Variants in BRINP1 observed in about 807,000 individuals in gnomAD.
The protein encoded by BRINP1 is BMP/retinoic acid-inducible neural-specific protein 1.
Under a neutral mutation model 72.9 loss-of-function variants are expected in BRINP1, and 17 were observed. That is an observed-to-expected ratio of 0.23 (90% CI 0.16 to 0.35). The LOEUF is 0.35. Ranked by LOEUF, BRINP1 falls within the 10% of genes least tolerant of loss-of-function variation. The pLI, the probability that BRINP1 is intolerant of heterozygous loss-of-function variation, is 1.00. For missense variants in BRINP1, 850 were observed against 1,001.6 expected, an observed-to-expected ratio of 0.85 and a Z score of 2.04; for synonymous variants, 418 against 378.5, an observed-to-expected ratio of 1.10 and a Z score of -1.21.
chr9:119,323,381 T>G (rs1420600223), intron 1 of BRINP1, among the ~76,000 whole-genome samples: 1 of 152,210 alleles, frequency 6.6e-6, no homozygotes, highest in Non-Finnish European at 1.5e-5. Flanking sequence ...GTAAAAGGAA[T>G]GTGTCCCCTC....
chr9:119,291,994 C>T (rs779455343), intron 2 of BRINP1, among the ~76,000 whole-genome samples: 2 of 152,102 alleles, frequency 1.3e-5, no homozygotes, highest in Non-Finnish European at 2.9e-5. Context: ...AAAAAAAATA[C>T]TTTATTCCCG....
At chr9:119,285,337 G>A (rs1306929795) in intron 2 of BRINP1, among the ~76,000 whole-genome samples, 1 of 152,160 alleles carries the variant, frequency 6.6e-6, no homozygotes, top group Non-Finnish European at 1.5e-5. Context: ...ATGGCAGAGG[G>A]GAATCAAGAA....
intron 1 of BRINP1, among the ~76,000 whole-genome samples, chr9:119,366,085 G>C (rs1245284884): frequency 6.6e-6 from 1 of 152,036 alleles, no homozygotes; most frequent in Non-Finnish European, 1.5e-5. Context: ...TCACATGGGA[G>C]ATGCTTTATA....
chr9:119,295,138 G>C (rs1830861658), intron 2 of BRINP1, among the ~76,000 whole-genome samples: 1 of 151,602 alleles, frequency 6.6e-6, no homozygotes, highest in South Asian at 2.1e-4. Flanking sequence ...TGATAGGAAT[G>C]CATTATTTTT....
intron 2 of BRINP1, among the ~76,000 whole-genome samples, chr9:119,289,324 A>G (rs1320772638): frequency 6.6e-6 from 1 of 152,248 alleles, no homozygotes; most frequent in East Asian, 1.9e-4. Context: ...GAGGATTGGT[A>G]TTCTCTACCT....
intron 7 of BRINP1, among the ~76,000 whole-genome samples, chr9:119,183,834 T>C (rs192319836): frequency 5.9e-5 from 9 of 152,146 alleles, no homozygotes; most frequent in Admixed American, 2.6e-4. Context: ...AAACTGAGGC[T>C]CAGAGAAGGG....
At chr9:119,250,152 G>A (rs901286471) in intron 2 of BRINP1, among the ~76,000 whole-genome samples, 3 of 150,468 alleles carry the variant, frequency 2.0e-5, no homozygotes, top group Admixed American at 6.6e-5. Context: ...GAAGGAGGGA[G>A]GGAGGGTGAG....
chr9:119,309,850 T>C (rs1349984286), intron 2 of BRINP1, among the ~76,000 whole-genome samples: 1 of 152,150 alleles, frequency 6.6e-6, no homozygotes, highest in Admixed American at 6.5e-5. Flanking sequence ...TGTAATCTAT[T>C]GGGTTTTTTT....
intron 4 of BRINP1, among the ~76,000 whole-genome samples, 185 bp from the exon 5 acceptor site, chr9:119,238,945 A>C (rs1296830983): frequency 6.6e-6 from 1 of 152,354 alleles, no homozygotes; most frequent in African/African-American, 2.4e-5. Context: ...TAGACAGGTA[A>C]GCAGGGTGGT....
At chr9:119,176,795 ATT>A (rs1829495069) in intron 7 of BRINP1, among the ~76,000 whole-genome samples, 1 of 152,176 alleles carries the variant, frequency 6.6e-6, no homozygotes. Context: ...GAGGAAAACC[ATT>A]TTGTTATATC....
chr9:119,313,428 G>C, intron 1 of BRINP1, 23 bp from the exon 2 acceptor site: 1 of 1,514,766 alleles, frequency 6.6e-7, no homozygotes, highest in Non-Finnish European at 8.8e-7. Flanking sequence ...GAATAAAAAA[G>C]AGAGAGAAAA....
At chr9:119,169,038 A>G (rs1265404294) in intron 7 of BRINP1, among the ~76,000 whole-genome samples, 1 of 152,226 alleles carries the variant, frequency 6.6e-6, no homozygotes, top group African/African-American at 2.4e-5. Context: ...CACGATGTTT[A>G]TTGCAGCCCT....
At chr9:119,342,463 G>C (rs1831415207) in intron 1 of BRINP1, among the ~76,000 whole-genome samples, 1 of 152,168 alleles carries the variant, frequency 6.6e-6, no homozygotes, top group African/African-American at 2.4e-5. Context: ...TGCAAAAAGT[G>C]TCATATAAGA....
chr9:119,200,106 G>A (rs1374209221), intron 7 of BRINP1, among the ~76,000 whole-genome samples: 1 of 152,112 alleles, frequency 6.6e-6, no homozygotes, highest in Non-Finnish European at 1.5e-5. Context: ...TACGAACACG[G>A]AACTCAATTT....
rs936704251 is a variant in BRINP1, at chr9:119,262,662, A to G, written c.219-13512T>C. Among the ~76,000 whole-genome samples, 28 of 151,484 alleles carry G rather than the reference A, an allele frequency of 1.8e-4. No individual in the cohort carries two copies. The East Asian group carries it at 5.5e-3, about 30-fold the overall frequency. On this transcript the variant is annotated intron_variant, in intron 2 of 7. Transcript: ENST00000265922. ...CTCCAACTCAAAAAAAAAAAAAAAAAAAAAGCTGAAATTGGACTTGGAGGA... is the reference window on the plus strand; with the variant it reads ...CTCCAACTCAAAAAAAAAAAAAAAAGAAAAGCTGAAATTGGACTTGGAGGA...
At position 119,277,072 on chromosome 9, in the gene BRINP1, C is replaced by G. The variant is rs895019615; in HGVS notation, c.219-27922G>C. On this transcript the variant is annotated intron_variant, in intron 2 of 7. Coordinates refer to ENST00000265922, the MANE Select transcript of BRINP1 (RefSeq NM_014618.3). ...ATAAATGAAATCATAGAGTGTGTAG[C>G]CTTTTGGGTCTGGCTTCTTTCACCT... is the stretch of plus-strand genomic sequence containing the variant. 3.3e-5 allele frequency among the ~76,000 whole-genome samples: 5 copies of G among 152,074 alleles called. 1 individual carries two copies. The highest frequency in any genetic ancestry group is 2.1e-4 in the South Asian group (1 of 4,828).
At chr9:119,240,472 T>G (rs1486222388) in intron 4 of BRINP1, among the ~76,000 whole-genome samples, 1 of 152,098 alleles carries the variant, frequency 6.6e-6, no homozygotes, top group Non-Finnish European at 1.5e-5. Flanking sequence ...AGACTGCACT[T>G]CTAGGATACA....
At chr9:119,171,886 G>C (rs1405980804) in intron 7 of BRINP1, among the ~76,000 whole-genome samples, 1 of 119,450 alleles carries the variant, frequency 8.4e-6, no homozygotes, top group African/African-American at 3.8e-5. Context: ...ATGACTACTG[G>C]GTACATAACG....
chr9:119,238,412 TTAC>T, intron 5 of BRINP1, among the ~76,000 whole-genome samples: 1 of 61,088 alleles, frequency 1.6e-5, no homozygotes, highest in South Asian at 1.0e-3. Flanking sequence ...TCACATTTCC[TTAC>T]TATCTGAAAA....
Sources: gnomAD v4.1 joint callset for allele counts (sites outside exome capture counted in the v4.1 genomes callset) on GRCh38, gnomAD v4.1.1 for gene constraint, MANE v1.5 for transcripts, NCBI Gene and HGNC (gene_info 2026-07-23, HGNC 2026-07-21) for gene names.